The following GIGYF2 variants were observed in gnomAD, a reference collection of about 807,000 sequenced individuals.
GIGYF2 encodes the protein GRB10-interacting GYF protein 2.
In GIGYF2, 25 loss-of-function variants were observed where a neutral mutation model predicts 208.1. The ratio of observed to expected loss-of-function variants is 0.12; its 90% CI spans 0.09 to 0.17. The LOEUF (loss-of-function observed/expected upper bound fraction) is 0.17. GIGYF2 is among the 10% of genes least tolerant of loss of function. The probability of loss-of-function intolerance (pLI) is 1.00; values close to 1 mark genes in which losing one functional copy is unlikely to be tolerated. For synonymous variants in GIGYF2, 534 were observed against 543.8 expected (o/e 0.98, Z 0.25); for missense variants, 1,302 against 1,579.4 (o/e 0.82, Z 2.98).
At chr2:232,823,362 T>G (rs1033942200) in intron 21 of GIGYF2, among the ~76,000 whole-genome samples, 1 of 85,662 alleles carries the variant, frequency 1.2e-5, no homozygotes, top group Non-Finnish European at 2.4e-5. Context: ...TTCCTTTCTT[T>G]CTTTCTTTTT....
At chr2:232,818,082 T>C (rs1285737511) in intron 20 of GIGYF2, among the ~76,000 whole-genome samples, 1 of 152,232 alleles carries the variant, frequency 6.6e-6, no homozygotes, top group Non-Finnish European at 1.5e-5. Flanking sequence ...ATGACACTTT[T>C]AATGAGCATC....
At chr2:232,721,529 C>A (rs1181375535) in intron 2 of GIGYF2, among the ~76,000 whole-genome samples, 1 of 152,192 alleles carries the variant, frequency 6.6e-6, no homozygotes, top group Non-Finnish European at 1.5e-5. Context: ...CATCCTTCTC[C>A]ATTCACAGGC....
chr2:232,751,065 G>A (rs1249742409), intron 5 of GIGYF2, among the ~76,000 whole-genome samples: 1 of 152,114 alleles, frequency 6.6e-6, no homozygotes, highest in African/African-American at 2.4e-5. Flanking sequence ...GGCCTCAAGC[G>A]ATTCTCCTAC....
chr2:232,784,261 C>T (rs140314954), intron 8 of GIGYF2, among the ~76,000 whole-genome samples: 91 of 151,940 alleles, frequency 6.0e-4, no homozygotes, highest in African/African-American at 2.0e-3. Context: ...GCCAGAAGTT[C>T]AAGACCAACC....
At position 232,788,355 on chromosome 2, in the gene GIGYF2, G is replaced by C; in HGVS notation, c.712+1026G>C. ...ACCAACTCTTCATGGCTGCCTCTTG[G>C]GTGGGTTTTCTGTCATTAGTGGGCA... is the stretch of plus-strand genomic sequence containing the variant. On this transcript the variant is annotated intron_variant, in intron 9 of 28. Coordinates refer to ENST00000373563, the MANE Select transcript of GIGYF2 (RefSeq NM_001103146.3). 5 of 215,090 alleles carry C rather than the reference G, an allele frequency of 2.3e-5. No individual in the cohort carries two copies. In the Middle Eastern group the frequency reaches 2.4e-3, roughly 103 times the overall value. 13.3% of individuals were successfully genotyped at this position (215,090 alleles called of 1,614,324 possible).
At chr2:232,740,366 G>C (rs1216096032) in intron 3 of GIGYF2, among the ~76,000 whole-genome samples, 1 of 152,140 alleles carries the variant, frequency 6.6e-6, no homozygotes, top group African/African-American at 2.4e-5. Context: ...AATAATTATA[G>C]ACATTACCTG....
At chr2:232,850,883 A>T (rs538829321) in intron 28 of GIGYF2, among the ~76,000 whole-genome samples, 6 of 152,358 alleles carry the variant, frequency 3.9e-5, no homozygotes, top group African/African-American at 1.4e-4. Context: ...ATGAGGTGAC[A>T]TACCAGTTTC....
chr2:232,709,942 T>A (rs1696305600), intron 2 of GIGYF2, among the ~76,000 whole-genome samples: 1 of 151,820 alleles, frequency 6.6e-6, no homozygotes, highest in African/African-American at 2.4e-5. Context: ...TCCAGCTGAT[T>A]TTTACAAAGT....
intron 14 of GIGYF2, among the ~76,000 whole-genome samples, chr2:232,800,589 C>CTTT (rs756914156): frequency 1.8e-4 from 11 of 61,272 alleles, no homozygotes; most frequent in Admixed American, 1.5e-3. Context: ...TTCTTTTTTT[C>CTTT]TTTTTTTTTT....
intron 19 of GIGYF2, 186 bp downstream of exon 19, chr2:232,815,923 CAG>C (rs1700894108): frequency 6.8e-6 from 4 of 586,504 alleles, no homozygotes; most frequent in African/African-American, 5.7e-5. Flanking sequence ...AAACTCAAAA[CAG>C]AATTTAAATT....
chr2:232,848,287 C>T (rs1222330759), intron 27 of GIGYF2, among the ~76,000 whole-genome samples: 1 of 152,176 alleles, frequency 6.6e-6, no homozygotes, highest in Non-Finnish European at 1.5e-5. Flanking sequence ...TAAGGCACCT[C>T]ACAGCCTTCC....
chr2:232,768,638 T>C, intron 8 of GIGYF2: 1 of 1,614,144 alleles, frequency 6.2e-7, no homozygotes. Context: ...TGCCATTTTC[T>C]CTTTCCTGAT....
At chr2:232,795,994 T>C in intron 13 of GIGYF2, 68 bp from the exon 14 acceptor site, 5 of 1,136,016 alleles carry the variant, frequency 4.4e-6, no homozygotes, top group Non-Finnish European at 6.7e-6. Context: ...GGGCAGGCAC[T>C]GTTATTATGT....
chr2:232,839,361 C>T (rs1195093076), intron 22 of GIGYF2, among the ~76,000 whole-genome samples: 1 of 152,194 alleles, frequency 6.6e-6, no homozygotes, highest in Non-Finnish European at 1.5e-5. Context: ...TTCATAAAGG[C>T]TGATCAAGAA....
rs148894957 is a variant in GIGYF2 at position 232,859,441 on chromosome 2, T to A, written c.*2581T>A. The A allele has an allele frequency of 3.9e-5, 6 of 152,288 alleles. No homozygotes were observed. The highest frequency in any genetic ancestry group is 1.4e-4 in the African/African-American group (6 of 41,532). 9.4% of individuals were successfully genotyped at this position (152,288 alleles called of 1,614,324 possible). On this transcript the variant is annotated 3_prime_UTR_variant, in exon 29 of 29. Transcript: ENST00000373563. Reference sequence around the variant, plus strand: ...CCACCATGCCCAGCTCCAGTTTTGTTGGTTGATTTGTTTAAATTCAGAGAT... The same window carrying A: ...CCACCATGCCCAGCTCCAGTTTTGTAGGTTGATTTGTTTAAATTCAGAGAT...
intron 3 of GIGYF2, 21 bp downstream of exon 3, chr2:232,735,259 C>A: frequency 1.3e-6 from 2 of 1,551,762 alleles, no homozygotes; most frequent in Non-Finnish European, 1.8e-6. Flanking sequence ...AAAATCTCAT[C>A]TTCTTTGATA....
At chr2:232,740,503 G>C (rs1407950534) in intron 3 of GIGYF2, among the ~76,000 whole-genome samples, 1 of 152,102 alleles carries the variant, frequency 6.6e-6, no homozygotes, top group East Asian at 1.9e-4. Flanking sequence ...CTTCCCCAAA[G>C]TATTTTATTT....
intron 14 of GIGYF2, among the ~76,000 whole-genome samples, chr2:232,801,681 A>G (rs976809636): frequency 3.9e-5 from 6 of 152,244 alleles, no homozygotes; most frequent in Non-Finnish European, 7.3e-5. Context: ...AGTACAATAC[A>G]TTGTTAACTA....
chr2:232,783,506 G>A (rs1274650637), intron 8 of GIGYF2, among the ~76,000 whole-genome samples: 4 of 152,088 alleles, frequency 2.6e-5, no homozygotes, highest in African/African-American at 9.7e-5. Flanking sequence ...GGAGAATGAA[G>A]TAGCCTGAAT....
Sources: allele counts gnomAD v4.1 joint callset (sites outside exome capture counted in the v4.1 genomes callset), GRCh38; gene constraint gnomAD v4.1.1; transcripts MANE v1.5; gene names NCBI Gene and HGNC (gene_info 2026-07-23, HGNC 2026-07-21).